AKR1C4: variants seen among roughly 807,000 people sequenced by gnomAD.
AKR1C4 encodes 3-alpha-HSD1.
AKR1C4 carries 44 observed loss-of-function variants against 41.0 expected under a neutral mutation model. The observed-to-expected ratio is 1.07, with a 90% CI of 0.84 to 1.38. The LOEUF (loss-of-function observed/expected upper bound fraction) is 1.38, where lower values mean the gene tolerates loss of function less well. Ranked by LOEUF, AKR1C4 falls within the 40% of genes most tolerant of loss-of-function variation. The pLI is 0.00. For missense variants in AKR1C4, 438 were observed against 387.9 expected (o/e 1.13, Z -1.09); for synonymous variants, 165 against 137.7 (o/e 1.20, Z -1.39).
At chr10:5,209,261 C>T (rs554480770) in intron 5 of AKR1C4, among the ~76,000 whole-genome samples, 56 of 152,222 alleles carry the variant, frequency 3.7e-4, no homozygotes, top group African/African-American at 1.3e-3. Context: ...TATTACACAG[C>T]AAATTTTCAC....
At chr10:5,200,619 A>T (rs782232413) in intron 2 of AKR1C4, among the ~76,000 whole-genome samples, 6 of 152,172 alleles carry the variant, frequency 3.9e-5, no homozygotes, top group Admixed American at 2.0e-4. Flanking sequence ...TCATATTTTA[A>T]TTTCAACAGG....
At chr10:5,213,494 T>C (rs1452370579) in intron 7 of AKR1C4, among the ~76,000 whole-genome samples, 3 of 152,182 alleles carry the variant, frequency 2.0e-5, no homozygotes, top group Non-Finnish European at 4.4e-5. Context: ...TGCAGATTTT[T>C]CATGTCCTTG....
intron 5 of AKR1C4, among the ~76,000 whole-genome samples, chr10:5,208,451 A>AC (rs1554797670): frequency 6.6e-6 from 1 of 151,686 alleles, no homozygotes; most frequent in East Asian, 1.9e-4. Flanking sequence ...ATAATACAGG[A>AC]CATCTACATG....
At chr10:5,207,942 C>A (rs1270317232) in intron 5 of AKR1C4, among the ~76,000 whole-genome samples, 2 of 146,572 alleles carry the variant, frequency 1.4e-5, no homozygotes, top group Non-Finnish European at 2.9e-5. Flanking sequence ...GAAATGGTCT[C>A]TTCTCCCTAG....
At chr10:5,206,768 C>G (rs188454872) in intron 5 of AKR1C4, among the ~76,000 whole-genome samples, 173 of 123,240 alleles carry the variant, frequency 1.4e-3, no homozygotes, top group South Asian at 5.3e-3. Flanking sequence ...ATTATAGAGG[C>G]CATAAAAACA....
Position 5,200,145 on chromosome 10 carries a change from T to C in AKR1C4, c.85-36T>C, listed in dbSNP as rs1286473786. The C allele has an allele frequency of 3.1e-6, 5 of 1,591,490 alleles. No homozygotes were observed. In the South Asian group the frequency reaches 4.6e-5, roughly 15 times the overall value. On this transcript the variant is annotated intron_variant, in intron 1 of 8. Transcript: ENST00000263126. ...CCTGTTTCACTACCTCTCAAGCACA[T>C]TGATCACCAAATACTACCTTTCGTT...
At chr10:5,216,286 C>T (rs1220165542) in intron 7 of AKR1C4, among the ~76,000 whole-genome samples, 1 of 152,234 alleles carries the variant, frequency 6.6e-6, no homozygotes, top group East Asian at 1.9e-4. Flanking sequence ...AAACACCTCC[C>T]ACCAGGACCC....
chr10:5,216,816 T>G, intron 8 of AKR1C4, 23 bp downstream of exon 8: 1 of 1,550,486 alleles, frequency 6.4e-7, no homozygotes. Flanking sequence ...GGAAAATGGG[T>G]TTCCCAGTTT....
At chr10:5,202,739 C>A (rs72772224) in intron 2 of AKR1C4, among the ~76,000 whole-genome samples, 30,590 of 151,686 alleles carry the variant, frequency 0.2, 3,156 homozygotes, top group Admixed American at 0.23. Context: ...TGAAATGATC[C>A]TATGGTTTTG....
intron 2 of AKR1C4, among the ~76,000 whole-genome samples, chr10:5,201,806 CCA>C (rs1832403736): frequency 6.6e-6 from 1 of 152,082 alleles, no homozygotes; most frequent in South Asian, 2.1e-4. Context: ...GAGATGGCTT[CCA>C]GTTTTATTCT....
At chr10:5,206,457 C>T (rs1342202224) in intron 5 of AKR1C4, 60 bp downstream of exon 5, 2 of 1,607,398 alleles carry the variant, frequency 1.2e-6, no homozygotes, top group Non-Finnish European at 1.7e-6. Context: ...TGTCCTACTG[C>T]CTGGCTTCCA....
rs781839618 is a variant in AKR1C4, at chr10:5,200,318, G to C, written c.222G>C (p.Val74=). The C allele has an allele frequency of 6.2e-6, 10 of 1,614,102 alleles. 1 individual carries two copies. In the South Asian group the frequency reaches 1.1e-4, roughly 18 times the overall value. The part of the protein sequence containing the change: ...AIRSKIADGS[V]KREDIFYTSK... The stretch of plus-strand genomic sequence containing the variant: ...GAAGCAAGATTGCAGATGGCAGTGT[G>C]AAGAGAGAAGACATATTCTACACTT... Residue 74 remains valine, a synonymous_variant, in exon 2 of 9, where the codon GTG becomes GTC. Coordinates refer to ENST00000263126, the MANE Select transcript of AKR1C4 (RefSeq NM_001818.5).
chr10:5,208,704 C>T (rs1832525796), intron 5 of AKR1C4, among the ~76,000 whole-genome samples: 1 of 151,198 alleles, frequency 6.6e-6, no homozygotes, highest in Non-Finnish European at 1.5e-5. Flanking sequence ...ATTGATTATC[C>T]AGTCAGTATT....
intron 8 of AKR1C4, among the ~76,000 whole-genome samples, chr10:5,217,398 G>A (rs117005276): frequency 0.035 from 5,271 of 152,298 alleles, 145 homozygotes; most frequent in Non-Finnish European, 0.056. Context: ...AGAACTCTTG[G>A]CTTTAATTTT....
At chr10:5,215,090 A>G (rs1832635848) in intron 7 of AKR1C4, among the ~76,000 whole-genome samples, 1 of 152,254 alleles carries the variant, frequency 6.6e-6, no homozygotes, top group South Asian at 2.1e-4. Context: ...TGCTGCAGAC[A>G]AAGAGGATCT....
At chr10:5,204,255 G>A (rs543920194) in intron 2 of AKR1C4, 122 bp from the exon 3 acceptor site, 46 of 724,426 alleles carry the variant, frequency 6.3e-5, no homozygotes, top group South Asian at 3.7e-4. Context: ...ATAAAACAAA[G>A]GGAATTTTTG....
In AKR1C4 at chr10:5,208,481, T is replaced by C. The variant is rs1006065204; in HGVS notation, c.570+2084T>C. On this transcript the variant is annotated intron_variant, in intron 5 of 8. Coordinates refer to ENST00000263126, the MANE Select transcript of AKR1C4 (RefSeq NM_001818.5). ...TACATGTTATCATCTATTTCCAAAA[T>C]TGTTGACACTTTGCCAACCTGGCAA... Among the ~76,000 whole-genome samples the C allele has an allele frequency of 9.9e-5, 15 of 151,626 alleles. 1 individual carries two copies. Among genetic ancestry groups the C allele is most frequent in the African/African-American group, 3.7e-4 (15 of 40,892 alleles).
At chr10:5,203,707 A>T (rs1017983599) in intron 2 of AKR1C4, among the ~76,000 whole-genome samples, 1 of 152,178 alleles carries the variant, frequency 6.6e-6, no homozygotes, top group African/African-American at 2.4e-5. Context: ...GAATCTCTAT[A>T]TGCTATTCTG....
chr10:5,203,284 A>G (rs1047758435), intron 2 of AKR1C4, among the ~76,000 whole-genome samples: 1 of 151,998 alleles, frequency 6.6e-6, no homozygotes, highest in Non-Finnish European at 1.5e-5. Context: ...TTCAGTTAGG[A>G]GCTTCTTTCG....
Sources: gnomAD v4.1 joint callset for allele counts (sites outside exome capture counted in the v4.1 genomes callset) on GRCh38, gnomAD v4.1.1 for gene constraint, MANE v1.5 for transcripts, NCBI Gene and HGNC (gene_info 2026-07-23, HGNC 2026-07-21) for gene names.